HS3ST2: variants seen among roughly 807,000 people sequenced by gnomAD.
The protein encoded by HS3ST2 is heparan sulfate glucosamine 3-O-sulfotransferase 2.
HS3ST2 carries 17 observed loss-of-function variants against 26.3 expected under a neutral mutation model. The observed-to-expected ratio is 0.65, with a 90% confidence interval of 0.44 to 0.97. The LOEUF is 0.97. Among genes scored for constraint, HS3ST2 ranks in the 50% least tolerant of loss-of-function variants. The pLI is 0.00. For missense variants in HS3ST2, 402 were observed against 501.2 expected, an observed-to-expected ratio of 0.80 and a Z score of 1.89; for synonymous variants, 237 against 219.2, an observed-to-expected ratio of 1.08 and a Z score of -0.72.
intron 1 of HS3ST2, among the ~76,000 whole-genome samples, chr16:22,894,514 A>G (rs2141202077): frequency 6.6e-6 from 1 of 151,850 alleles, no homozygotes; most frequent in East Asian, 1.9e-4. Context: ...TGTGTCAAGA[A>G]CTCACTTTCT....
At chr16:22,852,582 T>A (rs1003182495) in intron 1 of HS3ST2, among the ~76,000 whole-genome samples, 68 of 152,326 alleles carry the variant, frequency 4.5e-4, no homozygotes, top group African/African-American at 1.5e-3. Flanking sequence ...AAGCTTTGTG[T>A]CATCCTCTTT....
intron 1 of HS3ST2, among the ~76,000 whole-genome samples, chr16:22,858,066 C>A (rs547177643): frequency 2.0e-5 from 3 of 146,608 alleles, no homozygotes; most frequent in African/African-American, 5.2e-5. Flanking sequence ...ATAACACACA[C>A]TTTTGCCCTC....
At chr16:22,850,257 G>A (rs1901498893) in intron 1 of HS3ST2, among the ~76,000 whole-genome samples, 1 of 151,928 alleles carries the variant, frequency 6.6e-6, no homozygotes, top group African/African-American at 2.4e-5. Flanking sequence ...AAGGACAGTG[G>A]CAGCAACTGT....
intron 1 of HS3ST2, among the ~76,000 whole-genome samples, chr16:22,861,075 C>T (rs1490474783): frequency 6.6e-6 from 1 of 152,160 alleles, no homozygotes; most frequent in Middle Eastern, 3.4e-3. Flanking sequence ...TAGGGCCTCA[C>T]TATGTTGCCC....
intron 1 of HS3ST2, among the ~76,000 whole-genome samples, chr16:22,907,108 A>G (rs1221072615): frequency 6.6e-6 from 1 of 152,176 alleles, no homozygotes; most frequent in Non-Finnish European, 1.5e-5. Flanking sequence ...GACAAGAGAC[A>G]AGTAAGATGG....
At position 22,846,717 on chromosome 16, in the gene HS3ST2, A is replaced by G. The variant is rs556525716; in HGVS notation, c.485+31622A>G. ...GGGCAATTCCAAAGAGCAATCTGAC[A>G]TTGCTGTCAAATTAAACATATCAAA... On this transcript the variant is annotated intron_variant, in intron 1 of 1. Coordinates refer to ENST00000261374, the MANE Select transcript of HS3ST2 (RefSeq NM_006043.2). Among the ~76,000 whole-genome samples the G allele has an allele frequency of 5.9e-4, 90 of 152,290 alleles. No homozygotes were observed. In the South Asian group the frequency reaches 0.012, roughly 20 times the overall value.
intron 1 of HS3ST2, among the ~76,000 whole-genome samples, chr16:22,860,273 G>A (rs1233668627): frequency 1.3e-5 from 2 of 152,144 alleles, no homozygotes; most frequent in Admixed American, 6.5e-5. Context: ...GCAAGAGAGA[G>A]AGCTTGTGTA....
intron 1 of HS3ST2, among the ~76,000 whole-genome samples, chr16:22,913,229 A>G (rs1902449088): frequency 6.6e-6 from 1 of 151,264 alleles, no homozygotes; most frequent in Admixed American, 6.6e-5. Flanking sequence ...ACGCGCAGCC[A>G]GGATTAAGAA....
chr16:22,837,358 T>C (rs550304554), intron 1 of HS3ST2, among the ~76,000 whole-genome samples: 1 of 151,946 alleles, frequency 6.6e-6, no homozygotes, highest in East Asian at 1.9e-4. Context: ...GCAAGTACTA[T>C]ATAGGAGTTT....
intron 1 of HS3ST2, among the ~76,000 whole-genome samples, chr16:22,816,343 G>A (rs1211489560): frequency 2.0e-5 from 3 of 152,194 alleles, no homozygotes; most frequent in Non-Finnish European, 4.4e-5. Flanking sequence ...ATGCATATTG[G>A]ACAAGGGACA....
At chr16:22,899,583 G>A (rs1034389993) in intron 1 of HS3ST2, among the ~76,000 whole-genome samples, 3 of 152,150 alleles carry the variant, frequency 2.0e-5, no homozygotes, top group Non-Finnish European at 4.4e-5. Flanking sequence ...CTGTTCTCAT[G>A]CTACTAATAA....
Position 22,866,849 on chromosome 16 carries a change from A to G in HS3ST2, c.486-48095A>G, listed in dbSNP as rs142269367. 7.4e-3 allele frequency among the ~76,000 whole-genome samples: 1,131 copies of G among 152,272 alleles called. 18 individuals carry two copies. The highest frequency in any genetic ancestry group is 0.026 in the African/African-American group (1,077 of 41,558). ...TGCATGAAGAAAACTATAAAACTTT[A>G]CTAGATAATATAAACAAAAGACCTG... On this transcript the variant is annotated intron_variant, in intron 1 of 1. Transcript: ENST00000261374.
At chr16:22,895,905 C>T (rs922472846) in intron 1 of HS3ST2, among the ~76,000 whole-genome samples, 3 of 151,852 alleles carry the variant, frequency 2.0e-5, no homozygotes, top group Admixed American at 1.3e-4. Flanking sequence ...TGTCCTCTCT[C>T]CTTTTCTTCC....
intron 1 of HS3ST2, among the ~76,000 whole-genome samples, chr16:22,855,324 G>C (rs1246789921): frequency 6.6e-6 from 1 of 152,146 alleles, no homozygotes; most frequent in Non-Finnish European, 1.5e-5. Context: ...GAGGGGTTGA[G>C]CATCCTTGGG....
At position 22,915,263 on chromosome 16, in the gene HS3ST2, A is replaced by G. The variant is rs1470581860; in HGVS notation, c.805A>G (p.Ile269Val). 1 of 1,613,858 alleles carries G rather than the reference A, an allele frequency of 6.2e-7. No homozygotes were observed. Among genetic ancestry groups the G allele is most frequent in the Non-Finnish European group, 8.5e-7 (1 of 1,180,010 alleles). ...GCTGCAGTACTTCCCGCTAGCTCAG[A>G]TTCACTTCGTCAGTGGCGAGCGACT... Reference protein sequence around the residue: ...SWLQYFPLAQIHFVSGERLIT... With the variant: ...SWLQYFPLAQVHFVSGERLIT... Residue 269 changes from isoleucine to valine, a missense_variant, in exon 2 of 2, where the codon ATT becomes GTT. Around this residue, in one of 2 missense-constraint regions of HS3ST2, gnomAD observed 237 missense variants for 346.6 expected, o/e 0.68. Coordinates refer to ENST00000261374, the MANE Select transcript of HS3ST2 (RefSeq NM_006043.2).
At chr16:22,863,212 C>T (rs900653970) in intron 1 of HS3ST2, among the ~76,000 whole-genome samples, 1 of 152,222 alleles carries the variant, frequency 6.6e-6, no homozygotes, top group Non-Finnish European at 1.5e-5. Context: ...GATAGCACAT[C>T]AGTAGACATC....
intron 1 of HS3ST2, among the ~76,000 whole-genome samples, chr16:22,839,681 C>G (rs551990143): frequency 1.3e-5 from 2 of 151,688 alleles, no homozygotes; most frequent in Non-Finnish European, 2.9e-5. Context: ...ATTCTGATAT[C>G]AGCCACCCAC....
intron 1 of HS3ST2, chr16:22,854,538 C>T (rs1238893748): frequency 2.6e-5 from 4 of 152,014 alleles, no homozygotes; most frequent in Non-Finnish European, 5.9e-5. Flanking sequence ...CACCACTTCC[C>T]TCTATCCTTT....
intron 1 of HS3ST2, among the ~76,000 whole-genome samples, chr16:22,914,317 T>C (rs1481876305): frequency 6.6e-6 from 1 of 152,196 alleles, no homozygotes; most frequent in Admixed American, 6.5e-5. Context: ...TCATTCCATA[T>C]TAATGCATAC....
Sources: allele counts gnomAD v4.1 joint callset (sites outside exome capture counted in the v4.1 genomes callset), GRCh38; gene constraint gnomAD v4.1.1; regional missense constraint gnomAD v4.1.1; transcripts MANE v1.5; gene names NCBI Gene and HGNC (gene_info 2026-07-23, HGNC 2026-07-21).